MYO16: variants seen among roughly 807,000 people sequenced by gnomAD.
MYO16 encodes unconventional myosin-XVI.
Under a neutral mutation model 205.3 loss-of-function variants are expected in MYO16, and 94 were observed. That is an observed-to-expected ratio of 0.46 (90% CI 0.39 to 0.54). MYO16 has a LOEUF of 0.54. Ranked by LOEUF, MYO16 falls within the 20% of genes least tolerant of loss-of-function variation. The probability of loss-of-function intolerance (pLI) is 0.00; values close to 1 mark genes in which losing one functional copy is unlikely to be tolerated. For missense variants in MYO16, 2,315 were observed against 2,387.5 expected (o/e 0.97, Z 0.63); for synonymous variants, 988 against 954.0 (o/e 1.04, Z -0.66).
At chr13:108,826,829 C>A (rs1406880898) in intron 9 of MYO16, among the ~76,000 whole-genome samples, 1 of 152,022 alleles carries the variant, frequency 6.6e-6, no homozygotes, top group Non-Finnish European at 1.5e-5. Flanking sequence ...CCATGAGATA[C>A]CACTTTATAC....
intron 33 of MYO16, among the ~76,000 whole-genome samples, chr13:109,177,507 T>G (rs1428575929): frequency 1.3e-5 from 2 of 151,626 alleles, no homozygotes; most frequent in African/African-American, 2.4e-5. Context: ...ATGTATTTAT[T>G]TATTTATTTA....
intron 6 of MYO16, among the ~76,000 whole-genome samples, chr13:108,801,905 G>A (rs898105041): frequency 6.6e-6 from 1 of 152,138 alleles, no homozygotes; most frequent in South Asian, 2.1e-4. Context: ...AATATTAACT[G>A]TATTTGAATA....
the MYO16 span, among the ~76,000 whole-genome samples, chr13:108,510,511 T>A: frequency 1.2e-3 from 130 of 106,430 alleles, no homozygotes; most frequent in African/African-American, 4.6e-3. Flanking sequence ...TTAGGGTACA[T>A]GTGCACATTG....
intron 16 of MYO16, among the ~76,000 whole-genome samples, chr13:108,937,664 C>T (rs1882551638): frequency 6.6e-6 from 1 of 152,270 alleles, no homozygotes; most frequent in Non-Finnish European, 1.5e-5. Flanking sequence ...ATAAAGCTTT[C>T]AGTTGTATTT....
rs150749728 is a variant in MYO16, at chr13:109,195,298, A to G, written c.5416-11311A>G. 5.8e-3 allele frequency among the ~76,000 whole-genome samples: 888 copies of G among 152,252 alleles called. 9 individuals are homozygous for G. Among genetic ancestry groups the G allele is most frequent in the African/African-American group, 0.021 (864 of 41,568 alleles). On this transcript the variant is annotated intron_variant, in intron 34 of 34. Coordinates refer to ENST00000457511, the MANE Select transcript of MYO16 (RefSeq NM_001198950.3). Reference sequence around the variant, plus strand: ...TTTAAACCTTAAGCAACAAAGAAACAAAATCCCAAGAATGAATTTAATTGT... The same window carrying G: ...TTTAAACCTTAAGCAACAAAGAAACGAAATCCCAAGAATGAATTTAATTGT...
At chr13:108,896,493 T>A (rs1213636673) in intron 14 of MYO16, among the ~76,000 whole-genome samples, 1 of 152,336 alleles carries the variant, frequency 6.6e-6, no homozygotes, top group East Asian at 1.9e-4. Flanking sequence ...AATTAATATA[T>A]GTTTGTCTCC....
chr13:108,826,528 C>T lies in MYO16; in HGVS notation c.1097+3250C>T, dbSNP rs145783236. On this transcript the variant is annotated intron_variant, in intron 9 of 34. Coordinates refer to ENST00000457511, the MANE Select transcript of MYO16 (RefSeq NM_001198950.3). ...GGCAATGGTTTCTTAGATATGACACCGAAAGATAAGCAATAAAAGCAAAAA... is the reference window on the plus strand; with the variant it reads ...GGCAATGGTTTCTTAGATATGACACTGAAAGATAAGCAATAAAAGCAAAAA... Among the ~76,000 whole-genome samples the T allele has an allele frequency of 3.1e-3, 468 of 151,534 alleles. 3 individuals carry two copies. Among genetic ancestry groups the T allele is most frequent in the Non-Finnish European group, 5.4e-3 (367 of 67,882 alleles).
At chr13:108,941,057 A>G (rs549478206) in intron 16 of MYO16, among the ~76,000 whole-genome samples, 2 of 152,270 alleles carry the variant, frequency 1.3e-5, no homozygotes, top group African/African-American at 4.8e-5. Flanking sequence ...AACAACAAAA[A>G]CCAGTGAGCC....
intron 2 of MYO16, among the ~76,000 whole-genome samples, chr13:108,705,688 G>A (rs1374111219): frequency 1.3e-5 from 2 of 151,960 alleles, no homozygotes; most frequent in Non-Finnish European, 2.9e-5. Flanking sequence ...CCAGAGAAAA[G>A]GGAAGTATAC....
At chr13:108,611,514 A>T (rs1879171458) in intron 1 of MYO16, among the ~76,000 whole-genome samples, 2 of 152,210 alleles carry the variant, frequency 1.3e-5, no homozygotes, top group African/African-American at 4.8e-5. Flanking sequence ...GTCTTTAGAG[A>T]TTCACATATG....
At chr13:108,856,081 A>C (rs1176412431) in intron 11 of MYO16, among the ~76,000 whole-genome samples, 1 of 152,216 alleles carries the variant, frequency 6.6e-6, no homozygotes, top group Non-Finnish European at 1.5e-5. Context: ...ATATTACTCA[A>C]ATGACAGCAT....
intron 15 of MYO16, among the ~76,000 whole-genome samples, chr13:108,898,717 C>A (rs1880562054): frequency 6.6e-6 from 1 of 152,128 alleles, no homozygotes; most frequent in South Asian, 2.1e-4. Flanking sequence ...CCCAAGCAGA[C>A]ACTGTTTCGT....
At chr13:108,669,818 C>A (rs978240907) in intron 2 of MYO16, among the ~76,000 whole-genome samples, 3 of 152,090 alleles carry the variant, frequency 2.0e-5, no homozygotes, top group Admixed American at 1.3e-4. Flanking sequence ...CAAACTAACA[C>A]AGGAACAGAA....
intron 20 of MYO16, among the ~76,000 whole-genome samples, chr13:108,978,963 A>G (rs1191839726): frequency 6.6e-6 from 1 of 151,954 alleles, no homozygotes; most frequent in Non-Finnish European, 1.5e-5. Flanking sequence ...TTCACCAGCT[A>G]AATCATAGCT....
At chr13:109,090,286 C>T (rs1016869596) in intron 27 of MYO16, among the ~76,000 whole-genome samples, 4 of 152,198 alleles carry the variant, frequency 2.6e-5, no homozygotes, top group African/African-American at 7.2e-5. Context: ...AGACCAAATT[C>T]GAAGCCTCAG....
At chr13:108,582,503 C>T in the MYO16 span, among the ~76,000 whole-genome samples, 1 of 152,154 alleles carries the variant, frequency 6.6e-6, no homozygotes, top group South Asian at 2.1e-4. Context: ...CCAAACCCAG[C>T]CAGGGGAACC....
At chr13:108,659,436 G>C (rs1036547500) in intron 1 of MYO16, 1 of 377,294 alleles carries the variant, frequency 2.7e-6, no homozygotes, top group Admixed American at 3.5e-5. Context: ...CGCACTCGCT[G>C]AGCAGGGGCT....
chr13:108,943,654 T>C (rs1882822286), intron 16 of MYO16, among the ~76,000 whole-genome samples: 1 of 152,090 alleles, frequency 6.6e-6, no homozygotes, highest in African/African-American at 2.4e-5. Context: ...TTTCACCATG[T>C]TGGCCAGGCT....
At chr13:108,813,424 T>C (rs1887355174) in intron 7 of MYO16, among the ~76,000 whole-genome samples, 2 of 152,128 alleles carry the variant, frequency 1.3e-5, no homozygotes, top group Non-Finnish European at 1.5e-5. Context: ...ACATTATATT[T>C]TCCTCTTTAT....
Sources: allele counts gnomAD v4.1 joint callset (sites outside exome capture counted in the v4.1 genomes callset), GRCh38; gene constraint gnomAD v4.1.1; transcripts MANE v1.5; gene names NCBI Gene and HGNC (gene_info 2026-07-23, HGNC 2026-07-21).